APOH: variants seen among roughly 807,000 people sequenced by gnomAD.
The protein encoded by APOH is beta-2-glycoprotein 1.
A neutral mutation model predicts 39.8 loss-of-function variants in APOH; 48 were observed. The ratio of observed to expected loss-of-function variants is 1.21; its 90% CI spans 0.96 to 1.54. The LOEUF is 1.54. Ranked by LOEUF, APOH falls within the 40% of genes most tolerant of loss-of-function variation. The pLI, the probability that APOH is intolerant of heterozygous loss-of-function variation, is 0.00. For missense variants in APOH, 415 were observed against 421.2 expected (o/e 0.99, Z 0.13); for synonymous variants, 153 against 151.1 (o/e 1.01, Z -0.09).
At chr17:66,229,153 T>C (rs961745192) in intron 1 of APOH, among the ~76,000 whole-genome samples, 163 bp downstream of exon 1, 2 of 152,084 alleles carry the variant, frequency 1.3e-5, no homozygotes, top group African/African-American at 4.8e-5. Flanking sequence ...GCCAGACTGG[T>C]CTCGAACTCC....
rs1416466123 is a variant in APOH at position 66,226,072 on chromosome 17, C to T, written c.294G>A (p.Thr98=). 4.3e-6 allele frequency: 7 copies of T among 1,613,600 alleles called. No homozygotes were observed. Among genetic ancestry groups the T allele is most frequent in the East Asian group, 4.5e-5 (2 of 44,882 alleles). ...GILENGAVRY[T]TFEYPNTISF... is the part of the protein sequence containing the mutation. ...TGATCGTGTTGGGATATTCAAAAGT[C>T]GTATAGCGTACGGCTCCATTTTCTA... is the stretch of plus-strand genomic sequence containing the variant. The change falls in exon 3 of 8, where the codon ACG becomes ACA. Residue 98 remains threonine, a synonymous_variant. Transcript: ENST00000205948.
At chr17:66,224,748 G>C (rs554027423) in intron 3 of APOH, among the ~76,000 whole-genome samples, 185 of 146,992 alleles carry the variant, frequency 1.3e-3, no homozygotes, top group Non-Finnish European at 2.1e-3. Flanking sequence ...GAAAGGAAAG[G>C]AAAGGAAAGG....
chr17:66,212,305 G>T (rs902965612), intron 7 of APOH, 117 bp from the exon 8 acceptor site: 54 of 770,302 alleles, frequency 7.0e-5, no homozygotes, highest in Non-Finnish European at 1.1e-4. Flanking sequence ...GTGATTATGT[G>T]AATGAAACCA....
chr17:66,229,016 A>G (rs962658032), intron 1 of APOH, among the ~76,000 whole-genome samples: 13 of 151,384 alleles, frequency 8.6e-5, no homozygotes, highest in Non-Finnish European at 1.8e-4. Flanking sequence ...TGTTTTTAGT[A>G]AAGACAGGGT....
intron 3 of APOH, among the ~76,000 whole-genome samples, chr17:66,225,064 GAA>G (rs35660567): frequency 3.6e-4 from 52 of 143,672 alleles, no homozygotes; most frequent in Middle Eastern, 3.8e-3. Context: ...AAAAAGAAAG[GAA>G]AAAAAAAAAA....
chr17:66,223,712 A>G lies in APOH; in HGVS notation c.401T>C (p.Leu134Pro), dbSNP rs112676310. ...CTEEGKWSPE[L>P]PVCAPIICPP... ...CACAGACTTACGAGCACAGACAGGA[A>G]GCTCCGGGCTCCATTTTCCTTCCTC... The change falls in exon 4 of 8, where the codon CTT (leucine) becomes CCT (proline). Residue 134 changes from leucine to proline, a missense_variant. By Grantham distance (98) the Leu-to-Pro change is moderately conservative. This residue lies in a region of APOH where 288 missense variants were observed against 284.9 expected (regional missense o/e 1.01). Coordinates refer to ENST00000205948, the MANE Select transcript of APOH (RefSeq NM_000042.3). 6.2e-7 allele frequency: 1 copy of G among 1,614,056 alleles called. No individual in the cohort carries two copies. Among genetic ancestry groups the G allele is most frequent in the African/African-American group, 1.3e-5 (1 of 74,946 alleles).
rs908697168 is a variant in APOH, at chr17:66,216,126, C to T, written c.784+662G>A. On this transcript the variant is annotated intron_variant, in intron 6 of 7. Coordinates refer to ENST00000205948, the MANE Select transcript of APOH (RefSeq NM_000042.3). ...AAGGTTGCAGGGAACTGAGATTCTA[C>T]CATTACACTCCAGCTAGGCAACAGA... 4.7e-5 allele frequency among the ~76,000 whole-genome samples: 7 copies of T among 148,822 alleles called. No individual in the cohort carries two copies. In the South Asian group the frequency reaches 1.5e-3, roughly 32 times the overall value.
intron 2 of APOH, among the ~76,000 whole-genome samples, chr17:66,227,120 G>C (rs1231032955): frequency 6.6e-6 from 1 of 152,074 alleles, no homozygotes; most frequent in African/African-American, 2.4e-5. Flanking sequence ...CTGACCTCAG[G>C]CGATCCACCC....
chr17:66,221,416 G>GA (rs59461012), intron 4 of APOH, among the ~76,000 whole-genome samples: 2,211 of 111,700 alleles, frequency 0.02, 354 homozygotes, highest in African/African-American at 0.08. Flanking sequence ...AGGAAGGAAG[G>GA]AAGGAAGGAA....
Position 66,222,007 on chromosome 17 carries a change from G to A in APOH, c.416-1265C>T, listed in dbSNP as rs8178921. ...CTACATTTTAACAAGGTGCCCAGGAGACTCATATGTGCATTCAAGTATGAG... is the reference window on the plus strand; with the variant it reads ...CTACATTTTAACAAGGTGCCCAGGAAACTCATATGTGCATTCAAGTATGAG... On this transcript the variant is annotated intron_variant, in intron 4 of 7. Transcript: ENST00000205948. Among the ~76,000 whole-genome samples, 315 of 152,264 alleles carry A rather than the reference G, an allele frequency of 2.1e-3. 1 individual carries two copies. The highest frequency in any genetic ancestry group is 7.4e-3 in the African/African-American group (308 of 41,558).
At chr17:66,224,835 A>G (rs2073430047) in intron 3 of APOH, among the ~76,000 whole-genome samples, 1 of 151,854 alleles carries the variant, frequency 6.6e-6, no homozygotes, top group South Asian at 2.1e-4. Context: ...TTGGGAGGCC[A>G]AGGAGGGTGG....
rs764476536 is a variant in APOH at position 66,214,701 on chromosome 17, C to T, written c.785-51G>A. ...GGACTTAAGAGTTCAGGAAGTCTTT[C>T]TGAAAGAGAGTATAGCATTTGAAAC... is the stretch of plus-strand genomic sequence containing the variant. On this transcript the variant is annotated intron_variant, in intron 6 of 7. Transcript: ENST00000205948. 7.3e-6 allele frequency: 11 copies of T among 1,508,746 alleles called. No homozygotes were observed. The African/African-American group carries it at 1.4e-4, about 19-fold the overall frequency. The allele number at this position is 1,508,746 out of a possible 1,614,324, so 93.5% of individuals were successfully genotyped here.
At position 66,212,107 on chromosome 17, in the gene APOH, A is replaced by G; in HGVS notation, c.*26T>C. 1.3e-6 allele frequency: 2 copies of G among 1,598,512 alleles called. No individual in the cohort carries two copies. The highest frequency in any genetic ancestry group is 1.7e-6 in the Non-Finnish European group (2 of 1,166,480). On this transcript the variant is annotated 3_prime_UTR_variant, in exon 8 of 8. Transcript: ENST00000205948. ...TGGATGAACAAGAAACAAGTGTGACATTTTGTGTGGAATCTGAAAACCACC... is the reference window on the plus strand; with the variant it reads ...TGGATGAACAAGAAACAAGTGTGACGTTTTGTGTGGAATCTGAAAACCACC...
At chr17:66,218,492 A>G (rs1237507020) in intron 5 of APOH, among the ~76,000 whole-genome samples, 1 of 152,080 alleles carries the variant, frequency 6.6e-6, no homozygotes, top group African/African-American at 2.4e-5. Context: ...TATTTTTAGT[A>G]GAGACGGGGT....
At chr17:66,221,038 C>G (rs1236209082) in intron 4 of APOH, among the ~76,000 whole-genome samples, 1 of 151,708 alleles carries the variant, frequency 6.6e-6, no homozygotes, top group Non-Finnish European at 1.5e-5. Context: ...ACCAAAAATA[C>G]AAAAATGAGC....
intron 2 of APOH, among the ~76,000 whole-genome samples, chr17:66,227,708 T>C (rs1315120965): frequency 6.6e-6 from 1 of 152,220 alleles, no homozygotes; most frequent in African/African-American, 2.4e-5. Context: ...TGGCATCAGT[T>C]GACATTTCAA....
In APOH at chr17:66,223,727, T is replaced by G; in HGVS notation, c.386A>C (p.Lys129Thr). The G allele has an allele frequency of 6.2e-7, 1 of 1,614,164 alleles. No individual in the cohort carries two copies. The highest frequency in any genetic ancestry group is 8.5e-7 in the Non-Finnish European group (1 of 1,180,020). The change falls in exon 4 of 8, where the codon AAA becomes ACA. Residue 129 changes from lysine (K) to threonine (T), a missense_variant. By Grantham distance (78) the Lys-to-Thr change is moderately conservative (BLOSUM62 -1). Coordinates refer to ENST00000205948, the MANE Select transcript of APOH (RefSeq NM_000042.3). ...ACAGACAGGAAGCTCCGGGCTCCATTTTCCTTCCTCAGTGCACTTGGCAGA... is the reference window on the plus strand; with the variant it reads ...ACAGACAGGAAGCTCCGGGCTCCATGTTCCTTCCTCAGTGCACTTGGCAGA... ...ADSAKCTEEG[K>T]WSPELPVCAP... is the part of the protein sequence containing the mutation.
chr17:66,214,469 G>T lies in APOH; in HGVS notation c.966C>A (p.Val322=), dbSNP rs758249565. ...DAQCIDGTIE[V]PKCFKEHSSL... The stretch of plus-strand genomic sequence containing the variant: ...CAGACTTACCCTTGAAGCATTTGGG[G>T]ACTTCGATAGTGCCATCTATACACT... Residue 322 remains valine (V), a synonymous_variant, in exon 7 of 8, where the codon GTC becomes GTA. Transcript: ENST00000205948. 6.8e-6 allele frequency: 11 copies of T among 1,613,658 alleles called. No homozygotes were observed.
rs55939615 is a variant in APOH, at chr17:66,216,721, T to C, written c.784+67A>G. 86 of 1,433,960 alleles carry C rather than the reference T, an allele frequency of 6.0e-5. No homozygotes were observed. In the East Asian group the frequency reaches 2.0e-3, roughly 33 times the overall value. The allele number at this position is 1,433,960 out of a possible 1,614,324, so 88.8% of individuals were successfully genotyped here. On this transcript the variant is annotated intron_variant, in intron 6 of 7. Coordinates refer to ENST00000205948, the MANE Select transcript of APOH (RefSeq NM_000042.3). ...GTGGAAAAGTGTTGGAACAAGAAAA[T>C]AGCAAGTAAAGGTGATCCACTGTAT...
Sources: allele counts gnomAD v4.1 joint callset (sites outside exome capture counted in the v4.1 genomes callset), GRCh38; gene constraint gnomAD v4.1.1; regional missense constraint gnomAD v4.1.1; transcripts MANE v1.5; gene names NCBI Gene and HGNC (gene_info 2026-07-23, HGNC 2026-07-21).